The following MYO3A variants were observed in gnomAD, a reference collection of about 807,000 sequenced individuals.
MYO3A encodes myosin IIIA.
MYO3A carries 180 observed loss-of-function variants against 192.7 expected under a neutral mutation model. That is an observed-to-expected ratio of 0.93 (90% CI 0.83 to 1.06). The LOEUF (loss-of-function observed/expected upper bound fraction) is 1.06, where lower values mean the gene tolerates loss of function less well. Ranked by LOEUF, MYO3A falls within the 50% of genes least tolerant of loss-of-function variation. The pLI is 0.00. For synonymous variants in MYO3A, 628 were observed against 645.3 expected (o/e 0.97, Z 0.41); for missense variants, 1,896 against 1,905.0 (o/e 1.00, Z 0.09).
At chr10:26,061,819 C>T (rs1834500891) in intron 10 of MYO3A, among the ~76,000 whole-genome samples, 3 of 151,680 alleles carry the variant, frequency 2.0e-5, no homozygotes, top group Non-Finnish European at 4.4e-5. Context: ...CTATCGTTCT[C>T]CAGTAACAGT....
intron 6 of MYO3A, among the ~76,000 whole-genome samples, chr10:26,006,045 G>A (rs569904961): frequency 2.6e-5 from 4 of 152,044 alleles, no homozygotes; most frequent in Admixed American, 6.6e-5. Flanking sequence ...TTTCAAAGTC[G>A]AATTAAGCTA....
intron 34 of MYO3A, among the ~76,000 whole-genome samples, chr10:26,206,340 C>T (rs997982396): frequency 1.3e-4 from 20 of 151,600 alleles, no homozygotes; most frequent in African/African-American, 3.4e-4. Flanking sequence ...AGATTACAGG[C>T]GTGAGCCACA....
intron 14 of MYO3A, among the ~76,000 whole-genome samples, chr10:26,086,516 A>G (rs1440914992): frequency 1.3e-5 from 2 of 152,126 alleles, no homozygotes; most frequent in Non-Finnish European, 1.5e-5. Flanking sequence ...TTAAAAAATA[A>G]TTGACTGGTT....
At chr10:26,210,798 C>T (rs1048404046) in intron 34 of MYO3A, among the ~76,000 whole-genome samples, 6 of 152,154 alleles carry the variant, frequency 3.9e-5, no homozygotes, top group African/African-American at 1.4e-4. Flanking sequence ...CTTGCTGTTC[C>T]TTGAACACGA....
intron 4 of MYO3A, among the ~76,000 whole-genome samples, chr10:25,964,178 A>G (rs1838119851): frequency 6.6e-6 from 1 of 152,272 alleles, no homozygotes; most frequent in South Asian, 2.1e-4. Context: ...TGGTTACATG[A>G]TTGTATATGA....
At chr10:26,144,006 A>G (rs1840315181) in intron 21 of MYO3A, among the ~76,000 whole-genome samples, 1 of 152,198 alleles carries the variant, frequency 6.6e-6, no homozygotes, top group Admixed American at 6.5e-5. Context: ...CATTTATTTA[A>G]TATAGGCAAA....
intron 19 of MYO3A, among the ~76,000 whole-genome samples, chr10:26,127,779 A>G (rs1032221629): frequency 1.3e-5 from 2 of 151,836 alleles, no homozygotes; most frequent in Admixed American, 6.5e-5. Context: ...AAGTATTTGA[A>G]ATACTTAATT....
At chr10:26,013,456 G>A (rs573003127) in intron 6 of MYO3A, among the ~76,000 whole-genome samples, 38 of 152,024 alleles carry the variant, frequency 2.5e-4, no homozygotes, top group Non-Finnish European at 3.5e-4. Context: ...AGTGGGCAAA[G>A]GACATGAATA....
chr10:26,202,070 A>G (rs1048352480), intron 33 of MYO3A, among the ~76,000 whole-genome samples: 2 of 152,222 alleles, frequency 1.3e-5, no homozygotes, highest in Admixed American at 6.5e-5. Flanking sequence ...GCACACTTAA[A>G]TTCACATTAT....
intron 17 of MYO3A, among the ~76,000 whole-genome samples, chr10:26,097,489 A>C (rs980653446): frequency 6.6e-6 from 1 of 152,012 alleles, no homozygotes; most frequent in East Asian, 1.9e-4. Context: ...TGCACACATT[A>C]ACTCGTCATT....
chr10:25,967,395 C>T (rs1588674326), intron 4 of MYO3A, among the ~76,000 whole-genome samples: 6 of 152,256 alleles, frequency 3.9e-5, no homozygotes, highest in Admixed American at 3.9e-4. Context: ...AAAGGTTATA[C>T]ATTGGAGGAA....
chr10:26,207,138 T>A (rs1156382042), intron 34 of MYO3A, among the ~76,000 whole-genome samples: 1 of 152,032 alleles, frequency 6.6e-6, no homozygotes, highest in Non-Finnish European at 1.5e-5. Flanking sequence ...AGATGCATAG[T>A]TTGCAAATAT....
intron 17 of MYO3A, among the ~76,000 whole-genome samples, chr10:26,115,754 T>C (rs994471098): frequency 2.0e-5 from 3 of 152,214 alleles, no homozygotes; most frequent in Admixed American, 1.3e-4. Context: ...CAAGGACTGA[T>C]AAGTGCCTTC....
chr10:26,154,876 T>A, intron 25 of MYO3A, 53 bp downstream of exon 25: 1 of 1,459,608 alleles, frequency 6.9e-7, no homozygotes, highest in Non-Finnish European at 9.5e-7. Context: ...TTAGTCTAAA[T>A]GAGTTACAGA....
chr10:25,984,414 A>G (rs1839517429), intron 4 of MYO3A, among the ~76,000 whole-genome samples: 1 of 152,186 alleles, frequency 6.6e-6, no homozygotes, highest in Non-Finnish European at 1.5e-5. Context: ...TAAAGGGGCC[A>G]GGTTTTTCGC....
rs776219381 is a variant in MYO3A, at chr10:26,096,668, G to C, written c.1762G>C (p.Gly588Arg). 2 of 1,574,264 alleles carry C rather than the reference G, an allele frequency of 1.3e-6. No homozygotes were observed. Among genetic ancestry groups the C allele is most frequent in the Non-Finnish European group, 1.7e-6 (2 of 1,144,026 alleles). The change falls in exon 17 of 35, where the codon GGT (glycine) becomes CGT (arginine). Residue 588 changes from glycine (G) to arginine (R), a missense_variant. Coordinates refer to ENST00000642920, the MANE Select transcript of MYO3A (RefSeq NM_017433.5). ...AATTGAGCAATGTTTCAAAGTCATA[G>C]GTTTTACAATGGAGGTAAGTATGAA... ...ELIEQCFKVI[G>R]FTMEQLGSIY...
chr10:26,124,760 T>C (rs1839105906), intron 18 of MYO3A, among the ~76,000 whole-genome samples: 1 of 152,206 alleles, frequency 6.6e-6, no homozygotes, highest in Non-Finnish European at 1.5e-5. Context: ...TAATTTTAAA[T>C]TCCCCATGAA....
chr10:25,936,416 T>C (rs1023294245), intron 2 of MYO3A, among the ~76,000 whole-genome samples: 1 of 152,180 alleles, frequency 6.6e-6, no homozygotes, highest in Non-Finnish European at 1.5e-5. Flanking sequence ...ATTATGTAAA[T>C]AATTTTTGCA....
intron 32 of MYO3A, among the ~76,000 whole-genome samples, chr10:26,198,150 G>GT (rs908647957): frequency 4.6e-4 from 70 of 151,126 alleles, no homozygotes; most frequent in East Asian, 2.5e-3. Context: ...TTTTTGTTTT[G>GT]TTTTTTTTTC....
Sources: gnomAD v4.1 joint callset for allele counts (sites outside exome capture counted in the v4.1 genomes callset) on GRCh38, gnomAD v4.1.1 for gene constraint, MANE v1.5 for transcripts, NCBI Gene and HGNC (gene_info 2026-07-23, HGNC 2026-07-21) for gene names.